LCORL: variants seen among roughly 807,000 people sequenced by gnomAD.
The protein encoded by LCORL is ligand dependent nuclear receptor corepressor like.
LCORL carries 41 observed loss-of-function variants against 141.8 expected under a neutral mutation model. The observed-to-expected ratio is 0.29, with a 90% CI of 0.23 to 0.38. The LOEUF is 0.38. LCORL is among the 10% of genes least tolerant of loss of function. The pLI, the probability that LCORL is intolerant of heterozygous loss-of-function variation, is 1.00. For synonymous variants in LCORL, 618 were observed against 694.1 expected, an observed-to-expected ratio of 0.89 and a Z score of 1.72; for missense variants, 1,759 against 2,035.0, an observed-to-expected ratio of 0.86 and a Z score of 2.61.
intron 5 of LCORL, among the ~76,000 whole-genome samples, chr4:17,895,531 T>C (rs1032943002): frequency 7.2e-5 from 11 of 152,190 alleles, no homozygotes; most frequent in African/African-American, 2.7e-4. Context: ...TTTGTATATA[T>C]ACCACACTAA....
chr4:17,953,646 C>T (rs914911500), intron 4 of LCORL, among the ~76,000 whole-genome samples: 1 of 152,054 alleles, frequency 6.6e-6, no homozygotes, highest in Non-Finnish European at 1.5e-5. Context: ...TTTAAAAAAC[C>T]GTTGAAAGGC....
intron 6 of LCORL, among the ~76,000 whole-genome samples, chr4:17,879,766 A>G (rs1277831080): frequency 6.6e-6 from 1 of 151,106 alleles, no homozygotes; most frequent in Non-Finnish European, 1.5e-5. Context: ...GTTGTGAGAG[A>G]TGCACTTCAG....
chr4:17,907,392 G>A (rs1412459616), intron 5 of LCORL, among the ~76,000 whole-genome samples: 1 of 152,142 alleles, frequency 6.6e-6, no homozygotes, highest in Non-Finnish European at 1.5e-5. Context: ...GAAATTAAAG[G>A]TCTGACAGGT....
chr4:17,906,560 C>G (rs1042461994), intron 5 of LCORL, among the ~76,000 whole-genome samples: 1 of 152,068 alleles, frequency 6.6e-6, no homozygotes, highest in Non-Finnish European at 1.5e-5. Flanking sequence ...TATATTTGCA[C>G]TTTGTTTAGA....
chr4:17,961,997 T>C (rs762319955), exon 4 of LCORL: 6 of 1,608,986 alleles, frequency 3.7e-6, no homozygotes, highest in Non-Finnish European at 5.1e-6. Flanking sequence ...CCTCTGTTGG[T>C]GTTGACTGTG....
chr4:17,982,099 C>CGTGTGTGT (rs57094203), intron 1 of LCORL, among the ~76,000 whole-genome samples: 3,760 of 136,500 alleles, frequency 0.028, 71 homozygotes, highest in East Asian at 0.059. Context: ...AGTATTCCAT[C>CGTGTGTGT]GTGTGTGTGT....
At position 17,909,081 on chromosome 4, in the gene LCORL, C is replaced by G; in HGVS notation, c.682+13G>C. 6.4e-7 allele frequency: 1 copy of G among 1,574,104 alleles called. No individual in the cohort carries two copies. Among genetic ancestry groups the G allele is most frequent in the Non-Finnish European group, 8.6e-7 (1 of 1,164,072 alleles). The stretch of plus-strand genomic sequence containing the variant: ...CATCAAATTATATATTAAATGCACA[C>G]AAAAAATCTTACCTTGCTGAGTATT... On this transcript the variant is annotated intron_variant, in intron 5 of 7. Coordinates refer to ENST00000635767, the Ensembl canonical transcript of LCORL.
intron 4 of LCORL, among the ~76,000 whole-genome samples, chr4:17,955,640 A>G (rs1419762656): frequency 2.0e-5 from 3 of 152,124 alleles, no homozygotes; most frequent in Admixed American, 1.3e-4. Flanking sequence ...AACTTCCTAT[A>G]AGAGAGGAAA....
At chr4:17,968,943 A>T (rs1036363003) in intron 2 of LCORL, among the ~76,000 whole-genome samples, 1 of 152,242 alleles carries the variant, frequency 6.6e-6, no homozygotes, top group African/African-American at 2.4e-5. Flanking sequence ...CACCTAGAGA[A>T]AAAACAGTAA....
intron 1 of LCORL, among the ~76,000 whole-genome samples, chr4:17,975,329 G>C (rs891225158): frequency 2.0e-5 from 3 of 151,524 alleles, no homozygotes; most frequent in Admixed American, 2.0e-4. Context: ...TTTACACATA[G>C]GATATAAATG....
At chr4:17,894,136 T>A (rs1279312923) in intron 5 of LCORL, among the ~76,000 whole-genome samples, 1 of 152,130 alleles carries the variant, frequency 6.6e-6, no homozygotes, top group Non-Finnish European at 1.5e-5. Context: ...CCCCAATTTA[T>A]GATGGGGCTA....
chr4:18,016,801 T>C (rs993381641), intron 1 of LCORL, among the ~76,000 whole-genome samples: 8 of 152,160 alleles, frequency 5.3e-5, no homozygotes, highest in Non-Finnish European at 7.4e-5. Context: ...CACTGTTATG[T>C]AGGAAAGATA....
chr4:17,906,320 C>T (rs1021350374), intron 5 of LCORL, among the ~76,000 whole-genome samples: 4 of 152,118 alleles, frequency 2.6e-5, no homozygotes, highest in African/African-American at 7.2e-5. Context: ...CTTTCTATGA[C>T]CCTAAGAAAA....
At chr4:17,995,205 A>ATTT (rs10602340) in intron 1 of LCORL, among the ~76,000 whole-genome samples, 12 of 134,610 alleles carry the variant, frequency 8.9e-5, no homozygotes, top group African/African-American at 2.9e-4. Flanking sequence ...TCTTTTAAGC[A>ATTT]TTTTTTTTTT....
intron 2 of LCORL, among the ~76,000 whole-genome samples, chr4:17,968,933 C>T (rs1163683690): frequency 6.6e-6 from 1 of 152,172 alleles, no homozygotes; most frequent in East Asian, 1.9e-4. Context: ...TATGTTGCCA[C>T]ACCTAGAGAA....
At chr4:17,862,775 A>G (rs758939361) in intron 7 of LCORL, among the ~76,000 whole-genome samples, 2 of 152,242 alleles carry the variant, frequency 1.3e-5, no homozygotes, top group Non-Finnish European at 2.9e-5. Flanking sequence ...AAAACCCTGG[A>G]GGATAACCAA....
intron 5 of LCORL, among the ~76,000 whole-genome samples, chr4:17,897,207 T>A (rs564941411): frequency 3.7e-5 from 5 of 133,792 alleles, no homozygotes; most frequent in African/African-American, 1.4e-4. Context: ...TTTGATATAC[T>A]GATTTCTTTT....
intron 1 of LCORL, among the ~76,000 whole-genome samples, chr4:17,999,310 C>T (rs1427872726): frequency 1.3e-5 from 2 of 151,752 alleles, no homozygotes; most frequent in Non-Finnish European, 1.5e-5. Context: ...AAAAATTAGC[C>T]GGGCGTGGTG....
intron 7 of LCORL, among the ~76,000 whole-genome samples, chr4:17,851,821 C>G (rs1267910588): frequency 2.0e-5 from 3 of 152,110 alleles, no homozygotes; most frequent in African/African-American, 7.2e-5. Flanking sequence ...TCCTCTTACT[C>G]TAACCAATAA....
Sources: allele counts gnomAD v4.1 joint callset (sites outside exome capture counted in the v4.1 genomes callset), GRCh38; gene constraint gnomAD v4.1.1; transcripts MANE v1.5; gene names NCBI Gene and HGNC (gene_info 2026-07-23, HGNC 2026-07-21).